The following GCNT2 variants were observed in gnomAD, a reference collection of about 807,000 sequenced individuals.
GCNT2 encodes N-acetyllactosaminide beta-1,6-N-acetylglucosaminyl-transferase.
In GCNT2, 34 loss-of-function variants were observed where a neutral mutation model predicts 34.2. That is an observed-to-expected ratio of 1.00 (90% CI 0.76 to 1.32). GCNT2 has a LOEUF of 1.32. GCNT2 is among the 40% of genes most tolerant of loss of function. The pLI is 0.00. For missense variants in GCNT2, 584 were observed against 489.4 expected (o/e 1.19, Z -1.82); for synonymous variants, 212 against 188.0 (o/e 1.13, Z -1.04).
chr6:10,560,324 C>A (rs1311069878), intron 3 of GCNT2, among the ~76,000 whole-genome samples: 1 of 152,088 alleles, frequency 6.6e-6, no homozygotes, highest in Non-Finnish European at 1.5e-5. Context: ...TTCCTGAGCT[C>A]AGGCGATCCG....
chr6:10,595,420 G>C (rs1764811077), intron 3 of GCNT2, among the ~76,000 whole-genome samples: 1 of 151,984 alleles, frequency 6.6e-6, no homozygotes, highest in Admixed American at 6.5e-5. Flanking sequence ...TGGGACTATA[G>C]GTGCCCGCCA....
intron 3 of GCNT2, among the ~76,000 whole-genome samples, chr6:10,579,836 A>AG (rs1268664276): frequency 6.7e-6 from 1 of 150,246 alleles, no homozygotes; most frequent in Non-Finnish European, 1.5e-5. Context: ...CAAAAAAAAA[A>AG]AAAAAAAAAA....
intron 3 of GCNT2, among the ~76,000 whole-genome samples, chr6:10,570,183 T>C (rs1763496320): frequency 6.6e-6 from 1 of 152,130 alleles, no homozygotes; most frequent in Non-Finnish European, 1.5e-5. Flanking sequence ...GATTCACCTG[T>C]CTCAGCCTCC....
At chr6:10,573,526 C>T (rs1763648090) in intron 3 of GCNT2, among the ~76,000 whole-genome samples, 2 of 152,172 alleles carry the variant, frequency 1.3e-5, no homozygotes, top group Admixed American at 6.5e-5. Flanking sequence ...ACAGAGAAGC[C>T]ATAGCAAGCT....
At chr6:10,526,711 G>A (rs1761207806) in intron 1 of GCNT2, among the ~76,000 whole-genome samples, 1 of 152,132 alleles carries the variant, frequency 6.6e-6, no homozygotes, top group South Asian at 2.1e-4. Flanking sequence ...CCTCCCCTGT[G>A]TTCTTGATAA....
chr6:10,595,959 T>C (rs1332467432), intron 3 of GCNT2, among the ~76,000 whole-genome samples: 1 of 152,202 alleles, frequency 6.6e-6, no homozygotes, highest in Non-Finnish European at 1.5e-5. Context: ...GTATGACAAA[T>C]CTTTGAGTTG....
intron 3 of GCNT2, among the ~76,000 whole-genome samples, chr6:10,571,444 C>G (rs1763551084): frequency 6.6e-6 from 1 of 152,098 alleles, no homozygotes. Context: ...CTCCGCCTCC[C>G]AGGTTCAAGC....
intron 3 of GCNT2, among the ~76,000 whole-genome samples, chr6:10,607,874 G>A (rs1765391814): frequency 6.6e-6 from 1 of 152,082 alleles, no homozygotes; most frequent in Non-Finnish European, 1.5e-5. Context: ...TTGAGATAGG[G>A]AAACTGAGGA....
intron 3 of GCNT2, chr6:10,556,570 A>G (rs762953787): frequency 5.0e-6 from 8 of 1,614,222 alleles, no homozygotes; most frequent in Non-Finnish European, 6.8e-6. Flanking sequence ...AAGTTTGCAC[A>G]TCTTTTATCA....
intron 3 of GCNT2, among the ~76,000 whole-genome samples, chr6:10,601,031 A>T (rs915510985): frequency 6.6e-6 from 1 of 152,112 alleles, no homozygotes; most frequent in Non-Finnish European, 1.5e-5. Flanking sequence ...GACCCAAGCA[A>T]TTCACCTGCC....
intron 3 of GCNT2, among the ~76,000 whole-genome samples, chr6:10,533,361 G>T (rs1761590113): frequency 6.6e-6 from 1 of 152,050 alleles, no homozygotes; most frequent in Non-Finnish European, 1.5e-5. Context: ...AGCTGAAGTG[G>T]TCTCATGGGA....
intron 3 of GCNT2, among the ~76,000 whole-genome samples, chr6:10,588,262 G>T (rs1764443733): frequency 6.6e-6 from 1 of 152,178 alleles, no homozygotes; most frequent in Non-Finnish European, 1.5e-5. Context: ...TATCACAGTG[G>T]TGAGAGCGTT....
At chr6:10,586,702 A>G in intron 3 of GCNT2, 1 of 1,614,108 alleles carries the variant, frequency 6.2e-7, no homozygotes. Flanking sequence ...GAGCATACAG[A>G]TAAAGGTGGC....
At chr6:10,536,521 A>AT (rs1285534105) in intron 3 of GCNT2, among the ~76,000 whole-genome samples, 2 of 150,720 alleles carry the variant, frequency 1.3e-5, no homozygotes, top group Non-Finnish European at 3.0e-5. Context: ...TGCCCGGCTA[A>AT]TTTTTTGTAT....
intron 3 of GCNT2, chr6:10,581,713 A>T: frequency 1.0e-6 from 1 of 982,662 alleles, no homozygotes; most frequent in African/African-American, 1.7e-5. Flanking sequence ...TTATTGTAGG[A>T]TCAAGGCTTG....
chr6:10,577,475 T>C (rs565779569), intron 3 of GCNT2, among the ~76,000 whole-genome samples: 35 of 152,334 alleles, frequency 2.3e-4, no homozygotes, highest in African/African-American at 8.4e-4. Context: ...GCAGAAGTGC[T>C]CATGGGCCAA....
At chr6:10,543,818 T>C (rs13214026) in intron 3 of GCNT2, among the ~76,000 whole-genome samples, 33,122 of 152,060 alleles carry the variant, frequency 0.22, 3,730 homozygotes, top group East Asian at 0.25. Context: ...CACTGAGATA[T>C]GGAGTCTGTA....
At chr6:10,601,943 GAAAAAAAA>G (rs57927445) in intron 3 of GCNT2, among the ~76,000 whole-genome samples, 1 of 113,052 alleles carries the variant, frequency 8.8e-6, no homozygotes, top group Non-Finnish European at 1.8e-5. Context: ...TCCATCTCAA[GAAAAAAAA>G]AAAAAAAAAC....
At chr6:10,581,217 A>C (rs1764055445) in intron 3 of GCNT2, among the ~76,000 whole-genome samples, 1 of 152,206 alleles carries the variant, frequency 6.6e-6, no homozygotes, top group Admixed American at 6.5e-5. Flanking sequence ...ATAAGTCAGG[A>C]CAAATGATGT....
Sources: allele counts gnomAD v4.1 joint callset (sites outside exome capture counted in the v4.1 genomes callset), GRCh38; gene constraint gnomAD v4.1.1; transcripts MANE v1.5; gene names NCBI Gene and HGNC (gene_info 2026-07-23, HGNC 2026-07-21).